The following RANBP2 variants were observed in gnomAD, a reference collection of about 807,000 sequenced individuals.
The protein encoded by RANBP2 is RAN binding protein 2.
RANBP2 carries 57 observed loss-of-function variants against 303.6 expected under a neutral mutation model. The ratio of observed to expected loss-of-function variants is 0.19; its 90% confidence interval spans 0.15 to 0.23. The LOEUF (loss-of-function observed/expected upper bound fraction) is 0.23. Among genes scored for constraint, RANBP2 ranks in the 10% least tolerant of loss-of-function variants. The pLI is 1.00. For synonymous variants in RANBP2, 1,167 were observed against 1,301.5 expected, an observed-to-expected ratio of 0.90 and a Z score of 2.23; for missense variants, 3,138 against 3,780.8, an observed-to-expected ratio of 0.83 and a Z score of 4.46.
In RANBP2 at chr2:108,777,147, T is replaced by G; in HGVS notation, c.8515T>G (p.Ser2839Ala). The stretch of plus-strand genomic sequence containing the variant: ...TTTGCCAGGGGAAAGCAAGATAGTT[T>G]CATTTGGATTTGGAAGTAGCACAGG... ...STSQGESKIVSFGFGSSTGLS... is the reference protein window; with the variant it reads ...STSQGESKIVAFGFGSSTGLS... Residue 2839 changes from serine to alanine, a missense_variant, in exon 25 of 29, where the codon TCA (serine) becomes GCA (alanine). Around this residue, in one of 20 missense-constraint regions of RANBP2, gnomAD observed 497 missense variants for 465.8 expected, o/e 1.07. Coordinates refer to ENST00000283195, the MANE Select transcript of RANBP2 (RefSeq NM_006267.5). The G allele has an allele frequency of 6.2e-7, 1 of 1,613,456 alleles. No homozygotes were observed. The highest frequency in any genetic ancestry group is 2.2e-5 in the East Asian group (1 of 44,812).
chr2:108,786,919 A>C (rs13389858), downstream of RANBP2: 8,104 of 1,521,288 alleles, frequency 5.3e-3, 347 homozygotes, highest in African/African-American at 0.096. Flanking sequence ...CGACGAGGTG[A>C]AGCCGCCGCC....
the RANBP2 span, among the ~76,000 whole-genome samples, chr2:109,305,466 G>A: frequency 6.6e-6 from 1 of 152,120 alleles, no homozygotes; most frequent in Non-Finnish European, 1.5e-5. Context: ...GCCCCTGGAG[G>A]CTCAAGGAGC....
chr2:109,249,519 T>TTCTTTCTTTCTTTCTTTTTC, the RANBP2 span, among the ~76,000 whole-genome samples: 1 of 61,900 alleles, frequency 1.6e-5, no homozygotes, highest in African/African-American at 6.2e-5. Flanking sequence ...CATTCTTTCT[T>TTCTTTCTTTCTTTCTTTTTC]TTTCTTTCTT....
At chr2:109,290,169 C>A in the RANBP2 span, among the ~76,000 whole-genome samples, 1 of 152,188 alleles carries the variant, frequency 6.6e-6, no homozygotes, top group African/African-American at 2.4e-5. Context: ...TGAGCCAGAT[C>A]CCTTCTTTGT....
chr2:108,738,347 T>C (rs569212885), intron 6 of RANBP2, among the ~76,000 whole-genome samples: 1 of 152,206 alleles, frequency 6.6e-6, no homozygotes, highest in South Asian at 2.1e-4. Flanking sequence ...AGTGCTGGGA[T>C]TACAGGTGTG....
chr2:109,076,454 T>TAAAAAG, the RANBP2 span, among the ~76,000 whole-genome samples: 67,190 of 149,484 alleles, frequency 0.45, 17,109 homozygotes, highest in Non-Finnish European at 0.49. Context: ...ATATCCAACT[T>TAAAAAG]AAACAAGGAA....
the RANBP2 span, among the ~76,000 whole-genome samples, chr2:109,065,309 C>T: frequency 1.3e-5 from 2 of 152,048 alleles, no homozygotes; most frequent in Non-Finnish European, 2.9e-5. Flanking sequence ...TTTTTGCTTG[C>T]TTGCTGTAAA....
the RANBP2 span, among the ~76,000 whole-genome samples, chr2:109,477,553 G>A: frequency 6.6e-6 from 1 of 152,214 alleles, no homozygotes; most frequent in Non-Finnish European, 1.5e-5. Context: ...CAGTTAAAGG[G>A]ACTGGGGTCA....
the RANBP2 span, among the ~76,000 whole-genome samples, chr2:109,211,215 A>G: frequency 3.6e-4 from 55 of 152,320 alleles, no homozygotes; most frequent in East Asian, 0.01. Context: ...GGCTGGGATA[A>G]AAGGCAAGGA....
the RANBP2 span, among the ~76,000 whole-genome samples, chr2:108,886,563 C>T: frequency 2.6e-5 from 4 of 152,050 alleles, no homozygotes; most frequent in Admixed American, 6.5e-5. Context: ...TACAGGCGCC[C>T]GCCACCATGC....
chr2:109,182,865 A>C, the RANBP2 span, among the ~76,000 whole-genome samples: 41 of 152,354 alleles, frequency 2.7e-4, no homozygotes, highest in African/African-American at 9.4e-4. Flanking sequence ...TTCCATATGC[A>C]TATTGCCATA....
At chr2:109,223,480 G>A in the RANBP2 span, among the ~76,000 whole-genome samples, 1 of 152,232 alleles carries the variant, frequency 6.6e-6, no homozygotes, top group African/African-American at 2.4e-5. Flanking sequence ...GGCATGGCCT[G>A]CCCATGTCAG....
the RANBP2 span, among the ~76,000 whole-genome samples, chr2:108,916,342 G>T: frequency 6.6e-6 from 1 of 152,164 alleles, no homozygotes; most frequent in Non-Finnish European, 1.5e-5. Context: ...CAGGTGACAG[G>T]GTTGGGGATG....
the RANBP2 span, among the ~76,000 whole-genome samples, chr2:109,741,211 C>A: frequency 1.4e-5 from 2 of 139,302 alleles, no homozygotes; most frequent in African/African-American, 5.3e-5. Context: ...TACACCATGA[C>A]CAAGTGGGAC....
chr2:109,336,664 A>G, the RANBP2 span, among the ~76,000 whole-genome samples: 2 of 152,264 alleles, frequency 1.3e-5, no homozygotes, highest in Non-Finnish European at 2.9e-5. Context: ...CAGTGAGACT[A>G]TTTGCATTAA....
At chr2:108,904,254 AATAAG>A in the RANBP2 span, among the ~76,000 whole-genome samples, 1 of 152,248 alleles carries the variant, frequency 6.6e-6, no homozygotes, top group Non-Finnish European at 1.5e-5. Flanking sequence ...TTGAGACCAC[AATAAG>A]ATATCATAAC....
At chr2:108,761,290 C>A (rs1019531543) in intron 18 of RANBP2, among the ~76,000 whole-genome samples, 1 of 150,952 alleles carries the variant, frequency 6.6e-6, no homozygotes, top group Admixed American at 6.6e-5. Context: ...CAAACTTGGG[C>A]TTCTGGCTAG....
the RANBP2 span, chr2:109,544,607 G>GA: frequency 2.2e-5 from 21 of 954,390 alleles, no homozygotes; most frequent in Non-Finnish European, 2.6e-5. Context: ...TCATATAGGG[G>GA]AAAAAATGGG....
chr2:109,517,194 C>T, the RANBP2 span, among the ~76,000 whole-genome samples: 1 of 150,360 alleles, frequency 6.7e-6, no homozygotes, highest in African/African-American at 2.5e-5. Context: ...AGAGGTCCCG[C>T]CCAGCCTCTG....
Sources: allele counts gnomAD v4.1 joint callset (sites outside exome capture counted in the v4.1 genomes callset), GRCh38; gene constraint gnomAD v4.1.1; regional missense constraint gnomAD v4.1.1; transcripts MANE v1.5; gene names NCBI Gene and HGNC (gene_info 2026-07-23, HGNC 2026-07-21).